The following ADCYAP1R1 variants were observed in gnomAD, a reference collection of about 807,000 sequenced individuals.
ADCYAP1R1 encodes the protein ADCYAP receptor type I, also known as pituitary adenylate cyclase-activating polypeptide type I receptor.
ADCYAP1R1 carries 44 observed loss-of-function variants against 67.6 expected under a neutral mutation model. The observed-to-expected ratio is 0.65, with a 90% CI of 0.51 to 0.84. The LOEUF (loss-of-function observed/expected upper bound fraction) is 0.84. ADCYAP1R1 is among the 40% of genes least tolerant of loss of function. The pLI, the probability that ADCYAP1R1 is intolerant of heterozygous loss-of-function variation, is 0.00. For missense variants in ADCYAP1R1, 477 were observed against 587.9 expected, an observed-to-expected ratio of 0.81 and a Z score of 1.95; for synonymous variants, 222 against 219.6, an observed-to-expected ratio of 1.01 and a Z score of -0.10.
intron 1 of ADCYAP1R1, among the ~76,000 whole-genome samples, chr7:31,054,144 C>T (rs1192194914): frequency 1.3e-5 from 2 of 152,260 alleles, no homozygotes; most frequent in South Asian, 2.1e-4. Context: ...AGGTGGAACA[C>T]GCTGAGCAGG....
intron 3 of ADCYAP1R1, among the ~76,000 whole-genome samples, chr7:31,068,215 G>GCACACACACACACA (rs1554300587): frequency 2.0e-5 from 3 of 149,902 alleles, no homozygotes; most frequent in South Asian, 2.1e-4. Context: ...ATGTGCGCGC[G>GCACACACACACACA]CACACACACA....
intron 3 of ADCYAP1R1, among the ~76,000 whole-genome samples, chr7:31,065,269 GACACA>G: frequency 6.6e-6 from 1 of 152,178 alleles, no homozygotes; most frequent in Non-Finnish European, 1.5e-5. Context: ...TGGCAGCAGG[GACACA>G]GCTATTGCCT....
chr7:31,062,435 T>C (rs985059607), intron 1 of ADCYAP1R1, among the ~76,000 whole-genome samples: 3 of 152,018 alleles, frequency 2.0e-5, no homozygotes, highest in African/African-American at 7.3e-5. Flanking sequence ...GGGCAAAAAG[T>C]GGGTGTAATT....
chr7:31,094,925 C>T (rs1162072732), intron 13 of ADCYAP1R1, among the ~76,000 whole-genome samples: 1 of 151,904 alleles, frequency 6.6e-6, no homozygotes, highest in African/African-American at 2.4e-5. Flanking sequence ...AGTCAAACCT[C>T]TGCTAGTCTT....
rs1160584770 is a variant in ADCYAP1R1, at chr7:31,086,453, G to A, written c.739G>A (p.Glu247Lys). The change falls in exon 10 of 16, where the codon GAG (glutamate) becomes AAG (lysine). Residue 247 changes from glutamate to lysine, a missense_variant. Glu to Lys is a moderately conservative substitution (Grantham distance 56, BLOSUM62 1). Transcript: ENST00000304166. The surrounding 1 kb of genome is among the most constrained non-coding windows in gnomAD (Gnocchi z 5.0). ...VVSNYFWLFI[E>K]GLYLFTLLVE... ...GTCCAACTACTTCTGGCTGTTCATC[G>A]AGGGCCTGTACCTCTTCACTCTGCT... 6.2e-7 allele frequency: 1 copy of A among 1,614,136 alleles called. No individual in the cohort carries two copies. Among genetic ancestry groups the A allele is most frequent in the Non-Finnish European group, 8.5e-7 (1 of 1,180,036 alleles).
chr7:31,092,266 T>G (rs2128633910), intron 12 of ADCYAP1R1, among the ~76,000 whole-genome samples: 2 of 151,804 alleles, frequency 1.3e-5, no homozygotes, highest in Admixed American at 1.3e-4. Context: ...CCATATTTGA[T>G]GACTCTGAAC....
In ADCYAP1R1 at chr7:31,064,931, C is replaced by T; in HGVS notation, c.152C>T (p.Ser51Phe). ...ANELMGFNDSSPGCPGMWDNI... is the reference protein window; with the variant it reads ...ANELMGFNDSFPGCPGMWDNI... ...GAGCTGATGGGCTTCAATGATTCCT[C>T]TCCAGGTGAGCGGGGCGGCAGGGAG... The change falls in exon 3 of 16, where the codon TCT (serine) becomes TTT (phenylalanine). Residue 51 changes from serine (S) to phenylalanine (F), a missense_variant. Transcript: ENST00000304166. The T allele has an allele frequency of 3.1e-6, 5 of 1,607,042 alleles. No homozygotes were observed. Among genetic ancestry groups the T allele is most frequent in the Non-Finnish European group, 4.3e-6 (5 of 1,176,102 alleles).
intron 1 of ADCYAP1R1, chr7:31,056,920 A>T (rs1229886617): frequency 2.1e-5 from 3 of 145,348 alleles, no homozygotes; most frequent in African/African-American, 8.6e-5. Flanking sequence ...AAATCCATCC[A>T]GGGGGCGCTC....
intron 4 of ADCYAP1R1, among the ~76,000 whole-genome samples, chr7:31,080,195 G>A (rs1006789324): frequency 6.6e-6 from 1 of 152,228 alleles, no homozygotes; most frequent in Admixed American, 6.5e-5. Context: ...ATTTACACCT[G>A]ATTCTTAATG....
intron 1 of ADCYAP1R1, among the ~76,000 whole-genome samples, chr7:31,053,020 G>C (rs1769277167): frequency 6.6e-6 from 1 of 152,214 alleles, no homozygotes; most frequent in Admixed American, 6.5e-5. Context: ...AGGGAGACCA[G>C]GGGGGCAGGC....
At chr7:31,075,719 A>C (rs1036190624) in intron 3 of ADCYAP1R1, among the ~76,000 whole-genome samples, 8 of 152,132 alleles carry the variant, frequency 5.3e-5, no homozygotes, top group Admixed American at 1.3e-4. Context: ...AGAGCCCAGA[A>C]AGCATGGGAT....
chr7:31,092,189 A>G (rs1045047047), intron 12 of ADCYAP1R1, among the ~76,000 whole-genome samples: 2 of 149,808 alleles, frequency 1.3e-5, no homozygotes, highest in Non-Finnish European at 1.5e-5. Context: ...TCTGAAGGCA[A>G]TGCTACTATT....
intron 12 of ADCYAP1R1, among the ~76,000 whole-genome samples, chr7:31,091,307 G>A (rs1404888603): frequency 1.3e-5 from 2 of 152,132 alleles, no homozygotes; most frequent in African/African-American, 4.8e-5. Context: ...TATAGATGCT[G>A]GATATTAGAC....
intron 3 of ADCYAP1R1, among the ~76,000 whole-genome samples, chr7:31,070,860 G>A (rs1234656420): frequency 2.0e-5 from 3 of 152,198 alleles, no homozygotes; most frequent in Non-Finnish European, 4.4e-5. Flanking sequence ...GTTCCCAGGT[G>A]ATTTTGCCGG....
Position 31,106,772 on chromosome 7 carries a change from C to G in ADCYAP1R1, c.*88C>G. 1 of 1,422,614 alleles carries G rather than the reference C, an allele frequency of 7.0e-7. No homozygotes were observed. Among genetic ancestry groups the G allele is most frequent in the Non-Finnish European group, 9.3e-7 (1 of 1,073,028 alleles). The allele number at this position is 1,422,614 out of a possible 1,614,324, so 88.1% of individuals were successfully genotyped here. A position where few individuals can be genotyped will look rare whatever the true frequency, so the allele number is the denominator to read the frequency against. On this transcript the variant is annotated 3_prime_UTR_variant, in exon 16 of 16. Coordinates refer to ENST00000304166, the MANE Select transcript of ADCYAP1R1 (RefSeq NM_001118.5). ...CCACGCATGTTTGCGCCTCTTCCCTCCCCTTGGGCAGGCCCTGGGCTGGAA... is the reference window on the plus strand; with the variant it reads ...CCACGCATGTTTGCGCCTCTTCCCTGCCCTTGGGCAGGCCCTGGGCTGGAA...
chr7:31,064,972 G>C (rs1584482450), intron 3 of ADCYAP1R1, 36 bp downstream of exon 3: 11 of 1,508,270 alleles, frequency 7.3e-6, no homozygotes, highest in African/African-American at 4.1e-5. Context: ...CACGTCCCCA[G>C]TGCCAGCTTT....
chr7:31,066,332 T>C (rs1468687), intron 3 of ADCYAP1R1, among the ~76,000 whole-genome samples: 78,811 of 151,960 alleles, frequency 0.52, 21,911 homozygotes, highest in African/African-American at 0.72. Flanking sequence ...AGAATAAAGG[T>C]AGGGGCTGGG....
chr7:31,090,729 G>C (rs1364373018), intron 12 of ADCYAP1R1, among the ~76,000 whole-genome samples: 2 of 152,302 alleles, frequency 1.3e-5, no homozygotes, highest in African/African-American at 4.8e-5. Flanking sequence ...CTGTGTCCAT[G>C]TTGCCGTAAA....
chr7:31,102,845 G>A lies in ADCYAP1R1; in HGVS notation c.1047-392G>A, dbSNP rs1796491142. 6.6e-6 allele frequency among the ~76,000 whole-genome samples: 1 copy of A among 152,194 alleles called. No homozygotes were observed. Among genetic ancestry groups the A allele is most frequent in the Admixed American group, 6.5e-5 (1 of 15,268 alleles). On this transcript the variant is annotated intron_variant, in intron 13 of 15. Transcript: ENST00000304166. The surrounding 1 kb of genome is among the most constrained non-coding windows in gnomAD (Gnocchi z 4.3). Reference sequence around the variant, plus strand: ...GGGCTGCTTCTTTCAGGCACAAAGAGCTTTCTTCCAGAACAGGAGAGCGGC... The same window carrying A: ...GGGCTGCTTCTTTCAGGCACAAAGAACTTTCTTCCAGAACAGGAGAGCGGC...
Sources: allele counts gnomAD v4.1 joint callset (sites outside exome capture counted in the v4.1 genomes callset), GRCh38; gene constraint gnomAD v4.1.1; non-coding constraint Gnocchi (gnomAD v3.1); transcripts MANE v1.5; gene names NCBI Gene and HGNC (gene_info 2026-07-23, HGNC 2026-07-21).